Variants in KIAA1671 observed in about 807,000 individuals in gnomAD.
KIAA1671 encodes uncharacterized protein KIAA1671.
A neutral mutation model predicts 131.2 loss-of-function variants in KIAA1671; 52 were observed. The ratio of observed to expected loss-of-function variants is 0.40; its 90% confidence interval spans 0.32 to 0.50. The LOEUF (loss-of-function observed/expected upper bound fraction) is 0.50. KIAA1671 is among the 20% of genes least tolerant of loss of function. KIAA1671 has a pLI of 0.73. For missense variants in KIAA1671, 2,360 were observed against 2,364.2 expected (o/e 1.00, Z 0.04); for synonymous variants, 1,003 against 961.6 (o/e 1.04, Z -0.80).
chr22:25,093,735 ACACT>A (rs1272507331), intron 6 of KIAA1671, among the ~76,000 whole-genome samples: 284 of 27,756 alleles, frequency 0.01, no homozygotes, highest in Non-Finnish European at 0.014. Context: ...ACACACACAC[ACACT>A]CTCTCTCTCT....
intron 6 of KIAA1671, among the ~76,000 whole-genome samples, chr22:25,093,163 G>A (rs970003618): frequency 6.6e-6 from 1 of 152,174 alleles, no homozygotes; most frequent in Non-Finnish European, 1.5e-5. Context: ...CAAAGCAATC[G>A]CTATTGTTAT....
intron 6 of KIAA1671, among the ~76,000 whole-genome samples, chr22:25,163,331 A>ATTTTTTTTTTTTTTT (rs132895): frequency 3.6e-5 from 2 of 55,544 alleles, no homozygotes; most frequent in African/African-American, 7.3e-5. Context: ...ATTGCCTCAA[A>ATTTTTTTTTTTTTTT]TTTTTTTTTT....
At chr22:25,015,510 G>C (rs1477074538) in intron 1 of KIAA1671, among the ~76,000 whole-genome samples, 1 of 152,130 alleles carries the variant, frequency 6.6e-6, no homozygotes, top group Non-Finnish European at 1.5e-5. Flanking sequence ...TAAGCAGAGG[G>C]GTAAAGATAA....
At chr22:25,033,959 T>C (rs1185605338) in intron 4 of KIAA1671, among the ~76,000 whole-genome samples, 2 of 151,956 alleles carry the variant, frequency 1.3e-5, no homozygotes, top group Admixed American at 1.3e-4. Flanking sequence ...CTTGGTGAGT[T>C]TCCTATGTGT....
chr22:24,972,124 A>ATGGG (rs1037097344), intron 1 of KIAA1671, among the ~76,000 whole-genome samples: 2 of 152,312 alleles, frequency 1.3e-5, no homozygotes, highest in Non-Finnish European at 2.9e-5. Context: ...TGAAGGAAAA[A>ATGGG]TGGGTAGGTA....
chr22:24,998,445 C>T (rs1446108656), intron 1 of KIAA1671, among the ~76,000 whole-genome samples: 1 of 151,724 alleles, frequency 6.6e-6, no homozygotes, highest in Non-Finnish European at 1.5e-5. Context: ...TTGGGCCGGG[C>T]ACGGTGGCTC....
At chr22:25,149,630 T>A (rs900720341) in intron 6 of KIAA1671, among the ~76,000 whole-genome samples, 1 of 152,114 alleles carries the variant, frequency 6.6e-6, no homozygotes, top group Non-Finnish European at 1.5e-5. Flanking sequence ...TTAAATGCAT[T>A]TGCTTCTCTT....
chr22:24,956,931 C>T (rs1197260601), intron 1 of KIAA1671, among the ~76,000 whole-genome samples: 1 of 151,444 alleles, frequency 6.6e-6, no homozygotes, highest in Non-Finnish European at 1.5e-5. Context: ...CAGGGCAAAC[C>T]CTGGCCCTGC....
rs1926103322 is a variant in KIAA1671 at position 25,028,732 on chromosome 22, GC to G, written c.735del (p.Ile246PhefsTer32). 6.4e-7 allele frequency: 1 copy of G among 1,551,138 alleles called. No homozygotes were observed. The highest frequency in any genetic ancestry group is 1.2e-5 in the South Asian group (1 of 84,072). On this transcript the variant is annotated frameshift_variant, in exon 3 of 13. Coordinates refer to ENST00000358431, the MANE Select transcript of KIAA1671 (RefSeq NM_001145206.2). LOFTEE classifies it high-confidence loss of function. ...RPRLKRRPVS[A>X]IFTESIQPQK... Reference sequence around the variant, plus strand: ...TCGCCTGAAGAGAAGGCCCGTGTCTGCCATTTTCACGGAGTCCATTCAGCCT... The same window carrying G: ...TCGCCTGAAGAGAAGGCCCGTGTCTGCATTTTCACGGAGTCCATTCAGCCT...
At chr22:25,177,232 A>ACC (rs1934063846) in intron 8 of KIAA1671, 116 bp from the exon 9 acceptor site, 2 of 971,710 alleles carry the variant, frequency 2.1e-6, no homozygotes, top group Non-Finnish European at 3.0e-6. Flanking sequence ...TGGCCTAGGT[A>ACC]CCACCTAAAT....
chr22:25,106,598 A>G (rs1931013979), intron 6 of KIAA1671, among the ~76,000 whole-genome samples: 1 of 152,208 alleles, frequency 6.6e-6, no homozygotes, highest in South Asian at 2.1e-4. Flanking sequence ...TCATGATGCT[A>G]TACTTATTTA....
intron 1 of KIAA1671, among the ~76,000 whole-genome samples, chr22:24,964,661 G>C (rs57397272): frequency 0.012 from 1,893 of 152,224 alleles, 44 homozygotes; most frequent in African/African-American, 0.043. Flanking sequence ...AGTCTCAAGT[G>C]ATTCTTCCGC....
At chr22:24,991,278 C>T (rs1053761870) in intron 1 of KIAA1671, among the ~76,000 whole-genome samples, 1 of 151,574 alleles carries the variant, frequency 6.6e-6, no homozygotes, top group African/African-American at 2.4e-5. Flanking sequence ...CCACTTCGGC[C>T]TCCCAAAGTG....
chr22:25,140,152 C>T (rs1036008882), intron 6 of KIAA1671, among the ~76,000 whole-genome samples: 2 of 152,212 alleles, frequency 1.3e-5, no homozygotes, highest in Admixed American at 6.5e-5. Context: ...GGAGGCTCGA[C>T]GGGAGAATCT....
intron 1 of KIAA1671, among the ~76,000 whole-genome samples, chr22:24,982,520 T>C (rs1280826103): frequency 6.6e-6 from 1 of 152,044 alleles, no homozygotes; most frequent in East Asian, 1.9e-4. Flanking sequence ...GGAATGAGGG[T>C]GTGTGAGGCA....
At chr22:25,140,705 A>T (rs1191081704) in intron 6 of KIAA1671, among the ~76,000 whole-genome samples, 2 of 152,194 alleles carry the variant, frequency 1.3e-5, no homozygotes, top group Non-Finnish European at 1.5e-5. Context: ...AGAAGTGGGG[A>T]ACAGGGAGCA....
intron 6 of KIAA1671, among the ~76,000 whole-genome samples, chr22:25,072,530 C>T (rs1432488455): frequency 3.3e-5 from 5 of 152,152 alleles, no homozygotes; most frequent in Non-Finnish European, 7.4e-5. Context: ...CTGAAGACAG[C>T]CTGGCACACG....
chr22:25,171,465 A>C (rs547083048), intron 7 of KIAA1671, among the ~76,000 whole-genome samples: 1 of 152,268 alleles, frequency 6.6e-6, no homozygotes, highest in East Asian at 1.9e-4. Context: ...TAATCCCAGC[A>C]CTTTGGGAAG....
At chr22:25,084,457 C>CAAAAAAAA (rs36090380) in intron 6 of KIAA1671, among the ~76,000 whole-genome samples, 60 of 128,448 alleles carry the variant, frequency 4.7e-4, no homozygotes, top group Middle Eastern at 8.3e-3. Context: ...GACTCTATCT[C>CAAAAAAAA]AAAAAAAAAA....
Sources: gnomAD v4.1 joint callset for allele counts (sites outside exome capture counted in the v4.1 genomes callset) on GRCh38, gnomAD v4.1.1 for gene constraint, MANE v1.5 for transcripts, NCBI Gene and HGNC (gene_info 2026-07-23, HGNC 2026-07-21) for gene names.